The following EPHA6 variants were observed in gnomAD, a reference collection of about 807,000 sequenced individuals.
EPHA6 encodes the protein EPH receptor A6.
Under a neutral mutation model 112.0 loss-of-function variants are expected in EPHA6, and 50 were observed. The ratio of observed to expected loss-of-function variants is 0.45; its 90% CI spans 0.36 to 0.56. The LOEUF (loss-of-function observed/expected upper bound fraction) is 0.56, where lower values mean the gene tolerates loss of function less well. Among genes scored for constraint, EPHA6 ranks in the 20% least tolerant of loss-of-function variants. EPHA6 has a pLI of 0.00. For missense variants in EPHA6, 1,280 were observed against 1,417.4 expected, an observed-to-expected ratio of 0.90 and a Z score of 1.56; for synonymous variants, 529 against 490.7, an observed-to-expected ratio of 1.08 and a Z score of -1.03.
At chr3:96,927,055 C>G (rs1017007145) in intron 2 of EPHA6, among the ~76,000 whole-genome samples, 4 of 152,234 alleles carry the variant, frequency 2.6e-5, no homozygotes, top group Non-Finnish European at 5.9e-5. Context: ...TCCATACATT[C>G]TCTGAAATGC....
chr3:97,158,772 C>G (rs1295689292), intron 3 of EPHA6, among the ~76,000 whole-genome samples: 1 of 151,928 alleles, frequency 6.6e-6, no homozygotes, highest in Non-Finnish European at 1.5e-5. Context: ...CAAATTGGAC[C>G]AGGGGAACAA....
intron 15 of EPHA6, among the ~76,000 whole-genome samples, chr3:97,723,215 A>C (rs2034609935): frequency 6.6e-6 from 1 of 152,352 alleles, no homozygotes; most frequent in Non-Finnish European, 1.5e-5. Flanking sequence ...CCAGACCACA[A>C]GACAGATTTT....
chr3:97,303,732 G>T (rs1265067928), intron 5 of EPHA6, among the ~76,000 whole-genome samples: 1 of 151,956 alleles, frequency 6.6e-6, no homozygotes, highest in Non-Finnish European at 1.5e-5. Flanking sequence ...TATATATTGT[G>T]GTAACTGGGG....
At chr3:97,084,968 T>C (rs1412210544) in intron 3 of EPHA6, among the ~76,000 whole-genome samples, 4 of 152,152 alleles carry the variant, frequency 2.6e-5, no homozygotes, top group African/African-American at 9.7e-5. Context: ...TAGCCAAATA[T>C]TTATTACATA....
chr3:97,275,927 G>C (rs1476680200), intron 5 of EPHA6, among the ~76,000 whole-genome samples: 4 of 152,092 alleles, frequency 2.6e-5, no homozygotes, highest in Non-Finnish European at 4.4e-5. Context: ...CAGGGAAGCA[G>C]ATAATTTAGT....
chr3:97,640,367 A>G (rs1453771742), intron 14 of EPHA6, among the ~76,000 whole-genome samples: 1 of 152,198 alleles, frequency 6.6e-6, no homozygotes, highest in Non-Finnish European at 1.5e-5. Context: ...ATGTAAAGGT[A>G]CCTGAGTGGC....
At chr3:97,668,670 T>G (rs2030418314) in intron 14 of EPHA6, among the ~76,000 whole-genome samples, 1 of 151,900 alleles carries the variant, frequency 6.6e-6, no homozygotes, top group Admixed American at 6.6e-5. Flanking sequence ...TCCCAGCACT[T>G]TGGGAGGCCG....
chr3:97,348,742 C>G (rs1433131278), intron 5 of EPHA6, among the ~76,000 whole-genome samples: 1 of 151,998 alleles, frequency 6.6e-6, no homozygotes, highest in South Asian at 2.1e-4. Flanking sequence ...GATTTGTCTA[C>G]TAAGTGTATC....
chr3:97,533,283 A>C (rs2092716152), intron 11 of EPHA6, among the ~76,000 whole-genome samples: 1 of 152,062 alleles, frequency 6.6e-6, no homozygotes, highest in South Asian at 2.1e-4. Context: ...AATCCTTGAA[A>C]GAGGCATTTT....
At chr3:97,430,968 A>G (rs1016525882) in intron 6 of EPHA6, among the ~76,000 whole-genome samples, 1 of 152,090 alleles carries the variant, frequency 6.6e-6, no homozygotes, top group Non-Finnish European at 1.5e-5. Flanking sequence ...TAGAATCCGT[A>G]CTGATTCTAT....
chr3:97,489,734 G>A (rs895789658), intron 10 of EPHA6, among the ~76,000 whole-genome samples: 2 of 151,504 alleles, frequency 1.3e-5, no homozygotes, highest in Admixed American at 6.6e-5. Flanking sequence ...ATATTTAGGA[G>A]GTTATATTTG....
chr3:97,494,672 T>A (rs2091931925), intron 10 of EPHA6, among the ~76,000 whole-genome samples: 1 of 151,740 alleles, frequency 6.6e-6, no homozygotes, highest in Admixed American at 6.6e-5. Flanking sequence ...TTCCAATAAA[T>A]CCAGGATATT....
chr3:97,575,958 T>G (rs534156238), intron 11 of EPHA6, among the ~76,000 whole-genome samples: 1 of 152,244 alleles, frequency 6.6e-6, no homozygotes, highest in South Asian at 2.1e-4. Context: ...CAGTTGAGAT[T>G]AGAAGACGAC....
chr3:97,292,812 C>T (rs529027582), intron 5 of EPHA6, among the ~76,000 whole-genome samples: 50 of 151,464 alleles, frequency 3.3e-4, no homozygotes, highest in South Asian at 1.0e-3. Flanking sequence ...CAAGTCATCC[C>T]GGTGAGCGTC....
chr3:96,874,867 G>A (rs1448992008), intron 2 of EPHA6, among the ~76,000 whole-genome samples: 1 of 152,026 alleles, frequency 6.6e-6, no homozygotes, highest in African/African-American at 2.4e-5. Flanking sequence ...AGAGTAGGGG[G>A]ACTTGATGAC....
chr3:97,439,808 T>C (rs867414108), intron 6 of EPHA6, among the ~76,000 whole-genome samples: 5 of 152,178 alleles, frequency 3.3e-5, no homozygotes, highest in African/African-American at 1.2e-4. Flanking sequence ...TACTGGTAGA[T>C]TATAGTTAGA....
rs551007205 is a variant in EPHA6 at position 97,056,783 on chromosome 3, T to G, written c.1114+68790T>G. ...CGGCATCTTCATTTAATCTTCCATT[T>G]CTCTGTAAAGTGGGAATATTAAAAG... On this transcript the variant is annotated intron_variant, in intron 3 of 17. Coordinates refer to ENST00000389672, the MANE Select transcript of EPHA6 (RefSeq NM_001080448.3). 3.3e-5 allele frequency among the ~76,000 whole-genome samples: 5 copies of G among 152,282 alleles called. No homozygotes were observed. The South Asian group carries it at 1.0e-3, about 32-fold the overall frequency.
At chr3:97,192,295 A>G (rs1336769966) in intron 3 of EPHA6, among the ~76,000 whole-genome samples, 1 of 151,922 alleles carries the variant, frequency 6.6e-6, no homozygotes, top group Non-Finnish European at 1.5e-5. Context: ...GTCATGACAC[A>G]GGGCTAATTT....
chr3:97,650,374 C>G (rs1175127177), intron 14 of EPHA6, among the ~76,000 whole-genome samples: 1 of 151,958 alleles, frequency 6.6e-6, no homozygotes, highest in Admixed American at 6.6e-5. Context: ...AATGCAATAC[C>G]AAAGGAAATT....
Sources: allele counts gnomAD v4.1 joint callset (sites outside exome capture counted in the v4.1 genomes callset), GRCh38; gene constraint gnomAD v4.1.1; transcripts MANE v1.5; gene names NCBI Gene and HGNC (gene_info 2026-07-23, HGNC 2026-07-21).